LTBP4: variants seen among roughly 807,000 people sequenced by gnomAD.
LTBP4 encodes latent-transforming growth factor beta-binding protein 4.
In LTBP4, 93 loss-of-function variants were observed where a neutral mutation model predicts 180.2. The observed-to-expected ratio is 0.52, with a 90% CI of 0.44 to 0.61. The LOEUF (loss-of-function observed/expected upper bound fraction) is 0.61, where lower values mean the gene tolerates loss of function less well. LTBP4 is among the 20% of genes least tolerant of loss of function. The pLI is 0.00. For synonymous variants in LTBP4, 947 were observed against 934.5 expected (o/e 1.01, Z -0.24); for missense variants, 2,116 against 2,256.5 (o/e 0.94, Z 1.26).
intron 19 of LTBP4, among the ~76,000 whole-genome samples, chr19:40,616,301 G>A (rs55760745): frequency 0.46 from 66,302 of 143,230 alleles, 16,146 homozygotes; most frequent in African/African-American, 0.58. Flanking sequence ...TTAAAAAAAA[G>A]AAAAAAAAGC....
At position 40,627,145 on chromosome 19, in the gene LTBP4, C is replaced by T. The variant is rs535067482; in HGVS notation, c.4156C>T (p.Pro1386Ser). 7 of 1,613,636 alleles carry T rather than the reference C, an allele frequency of 4.3e-6. No homozygotes were observed. Among genetic ancestry groups the T allele is most frequent in the Non-Finnish European group, 5.9e-6 (7 of 1,179,780 alleles). ...PPPALPYDPYPPPPGPFARRE... is the reference protein window; with the variant it reads ...PPPALPYDPYSPPPGPFARRE... ...ACCTGCGCTACCCTACGACCCCTAC[C>T]CACCGCCACCTGGGCCCTTCGCCCG... is the stretch of plus-strand genomic sequence containing the variant. The change falls in exon 28 of 30, where the codon CCA becomes TCA. Residue 1386 changes from proline (P) to serine (S), a missense_variant. This residue lies in a region of LTBP4 where 488 missense variants were observed against 458.8 expected (regional missense o/e 1.06). Coordinates refer to ENST00000396819, the MANE Select transcript of LTBP4 (RefSeq NM_001042545.2).
At chr19:40,628,332 A>C (rs1032843812) in intron 29 of LTBP4, among the ~76,000 whole-genome samples, 8 of 152,140 alleles carry the variant, frequency 5.3e-5, no homozygotes, top group African/African-American at 1.9e-4. Flanking sequence ...TTAGGTCAGG[A>C]GTTTGAGACC....
In LTBP4 at chr19:40,619,508, T is replaced by C; in HGVS notation, c.3217+15T>C. The C allele has an allele frequency of 6.3e-7, 1 of 1,594,322 alleles. No homozygotes were observed. The highest frequency in any genetic ancestry group is 8.6e-7 in the Non-Finnish European group (1 of 1,166,610). On this transcript the variant is annotated intron_variant, in intron 22 of 29. Transcript: ENST00000396819. ...AACTTCTGCTGGTGAGACTGATGTG[T>C]CTATTTAACTGATGGCGGCTGGCCC...
Position 40,622,938 on chromosome 19 carries a change from C to G in LTBP4, c.3485-12C>G. The stretch of plus-strand genomic sequence containing the variant: ...CTCTGGTGTCCTGGCTCAGGCTTGT[C>G]TCTGTGTGTAGCTGAGTACCAGTCA... On this transcript the variant is annotated splice_polypyrimidine_tract_variant and intron_variant, in intron 23 of 29. Transcript: ENST00000396819. This position sits in a 1 kb window ranked among gnomAD's most constrained non-coding sequence, Gnocchi z 5.1. The G allele has an allele frequency of 1.9e-6, 3 of 1,612,672 alleles. No individual in the cohort carries two copies. The highest frequency in any genetic ancestry group is 2.5e-6 in the Non-Finnish European group (3 of 1,179,316).
rs890014257 is a variant in LTBP4, at chr19:40,620,220, G to GT, written c.3217+737dup. Among the ~76,000 whole-genome samples, 19 of 146,810 alleles carry GT rather than the reference G, an allele frequency of 1.3e-4. 1 individual carries two copies. Among genetic ancestry groups the GT allele is most frequent in the South Asian group, 4.4e-4 (2 of 4,538 alleles). ...GCGGTACCGTGGAAGGGGTTTCGGCGTTTTTTTTTTGAAAATTTTTTTTAA... is the reference window on the plus strand; with the variant it reads ...GCGGTACCGTGGAAGGGGTTTCGGCGTTTTTTTTTTTGAAAATTTTTTTTAA... On this transcript the variant is annotated intron_variant, in intron 22 of 29. Transcript: ENST00000396819.
At chr19:40,616,291 T>TAAAAA (rs1454152742) in intron 19 of LTBP4, among the ~76,000 whole-genome samples, 1 of 66,718 alleles carries the variant, frequency 1.5e-5, no homozygotes. Flanking sequence ...AAGACCCCAT[T>TAAAAA]TAAAAAAAAG....
At chr19:40,597,137 C>A, upstream of LTBP4, 1 of 1,120,446 alleles carries the variant, frequency 8.9e-7, no homozygotes, top group Non-Finnish European at 1.1e-6. Flanking sequence ...GTGAGTCGGC[C>A]TCGGGCGGGG....
At chr19:40,615,707 C>T (rs764667647) in intron 19 of LTBP4, among the ~76,000 whole-genome samples, 4 of 151,964 alleles carry the variant, frequency 2.6e-5, no homozygotes, top group Non-Finnish European at 4.4e-5. Context: ...GCAGTTGAGC[C>T]GAGATCGCGC....
rs746160915 is a variant in LTBP4 at position 40,610,537 on chromosome 19, G to A, written c.1690G>A (p.Asp564Asn). 2.3e-5 allele frequency: 37 copies of A among 1,594,354 alleles called. 1 individual carries two copies. The South Asian group carries it at 3.8e-4, about 16-fold the overall frequency. ...GPRAAECLDVDECHRVPPPCD... is the reference protein window; with the variant it reads ...GPRAAECLDVNECHRVPPPCD... The stretch of plus-strand genomic sequence containing the variant: ...CGCCTGGTCTGTGCCTACAGATGTG[G>A]ACGAGTGCCACCGCGTGCCGCCGCC... Residue 564 changes from aspartate to asparagine, a missense_variant, in exon 12 of 30, where the codon GAC becomes AAC. Physicochemically the swap from Asp to Asn is conservative, Grantham distance 23. Transcript: ENST00000396819.
At chr19:40,608,131 C>A (rs1273855417) in intron 7 of LTBP4, 89 bp from the exon 8 acceptor site, 1 of 1,462,250 alleles carries the variant, frequency 6.8e-7, no homozygotes, top group Non-Finnish European at 9.4e-7. Context: ...CCAGCCAAGC[C>A]CTGCCCCTAG....
In LTBP4 at chr19:40,614,438, C is replaced by A. The variant is rs1272825959; in HGVS notation, c.2804C>A (p.Thr935Asn). ...GGGTACCACGCGGGCCCCGAGGGCA[C>A]CTGTGACGGTGAGCCTGCCCCCACC... Reference protein sequence around the residue: ...DPGYHAGPEGTCDDVDECQEY... With the variant: ...DPGYHAGPEGNCDDVDECQEY... The change falls in exon 19 of 30, where the codon ACC (threonine) becomes AAC (asparagine). Residue 935 changes from threonine (T) to asparagine (N), a missense_variant. Around this residue, in one of 5 missense-constraint regions of LTBP4, gnomAD observed 877 missense variants for 873.6 expected, o/e 1.00. Transcript: ENST00000396819. 3.8e-6 allele frequency: 6 copies of A among 1,598,628 alleles called. No individual in the cohort carries two copies. Among genetic ancestry groups the A allele is most frequent in the Admixed American group, 1.7e-5 (1 of 59,920 alleles).
chr19:40,621,708 A>T (rs1178566889), intron 22 of LTBP4, among the ~76,000 whole-genome samples: 1 of 152,034 alleles, frequency 6.6e-6, no homozygotes, highest in Non-Finnish European at 1.5e-5. Flanking sequence ...CAAGCTGTGG[A>T]TGTCTGGGTG....
chr19:40,623,596 T>C lies in LTBP4; in HGVS notation c.3557-8T>C. Reference sequence around the variant, plus strand: ...CCGCCCCCATCTCTCTCTCTGCTTTTCGCACAGACGTGGACGAATGTCAGC... The same window carrying C: ...CCGCCCCCATCTCTCTCTCTGCTTTCCGCACAGACGTGGACGAATGTCAGC... On this transcript the variant is annotated splice_region_variant and splice_polypyrimidine_tract_variant and intron_variant, in intron 24 of 29. Transcript: ENST00000396819. 1 of 1,611,032 alleles carries C rather than the reference T, an allele frequency of 6.2e-7. No individual in the cohort carries two copies. The highest frequency in any genetic ancestry group is 8.5e-7 in the Non-Finnish European group (1 of 1,178,224).
upstream of LTBP4, chr19:40,598,746 T>G (rs1375649209): frequency 8.1e-6 from 2 of 247,174 alleles, no homozygotes; most frequent in African/African-American, 2.3e-5. Flanking sequence ...CCTCCCCAGC[T>G]GCCGAGGCCT....
At chr19:40,626,898 T>G (rs955654068) in intron 27 of LTBP4, 77 bp from the exon 28 acceptor site, 2 of 1,448,614 alleles carry the variant, frequency 1.4e-6, no homozygotes, top group African/African-American at 2.8e-5. Flanking sequence ...CTCTGCCTCC[T>G]CTCCCAAGGG....
At position 40,629,663 on chromosome 19, in the gene LTBP4, G is replaced by A. The variant is rs2081664636; in HGVS notation, c.*113G>A. On this transcript the variant is annotated 3_prime_UTR_variant, in exon 30 of 30. Coordinates refer to ENST00000396819, the MANE Select transcript of LTBP4 (RefSeq NM_001042545.2). The surrounding 1 kb of genome is among the most constrained non-coding windows in gnomAD (Gnocchi z 4.5). ...GGGCCGCCCGCCTGGACCTGGAGAA[G>A]GGACCTACGGACGCCTGGAAGCTGC... The A allele has an allele frequency of 8.9e-7, 1 of 1,126,148 alleles. No individual in the cohort carries two copies. Among genetic ancestry groups the A allele is most frequent in the Non-Finnish European group, 1.1e-6 (1 of 876,940 alleles). 69.8% of individuals were successfully genotyped at this position (1,126,148 alleles called of 1,614,324 possible). A position where few individuals can be genotyped will look rare whatever the true frequency, so the allele number is the denominator to read the frequency against.
upstream of LTBP4, chr19:40,600,220 C>A: frequency 8.6e-7 from 1 of 1,160,596 alleles, no homozygotes; most frequent in South Asian, 4.4e-5. This position sits in a 1 kb window ranked among gnomAD's most constrained non-coding sequence, Gnocchi z 4.4. Flanking sequence ...GAGGGGGGTT[C>A]CGGGCCAGAT....
At position 40,609,409 on chromosome 19, in the gene LTBP4, G is replaced by C. The variant is rs1165520250; in HGVS notation, c.1427-121G>C. ...TGGAGATCAGAAGAAGACTGGGCTT[G>C]CTTGGGGAGGAGACATCCATGAAGG... On this transcript the variant is annotated intron_variant, in intron 9 of 29. Transcript: ENST00000396819. This position sits in a 1 kb window ranked among gnomAD's most constrained non-coding sequence, Gnocchi z 4.9. 7.8e-7 allele frequency: 1 copy of C among 1,279,764 alleles called. No individual in the cohort carries two copies. The highest frequency in any genetic ancestry group is 1.4e-5 in the South Asian group (1 of 72,058). 79.3% of individuals were successfully genotyped at this position (1,279,764 alleles called of 1,614,324 possible).
In LTBP4 at chr19:40,629,607, A is replaced by T; in HGVS notation, c.*57A>T. The T allele has an allele frequency of 2.3e-6, 3 of 1,324,688 alleles. No homozygotes were observed. The African/African-American group carries it at 4.7e-5, about 21-fold the overall frequency. 82.1% of individuals were successfully genotyped at this position (1,324,688 alleles called of 1,614,324 possible). A position where few individuals can be genotyped will look rare whatever the true frequency, so the allele number is the denominator to read the frequency against. On this transcript the variant is annotated 3_prime_UTR_variant, in exon 30 of 30. Transcript: ENST00000396819. This position sits in a 1 kb window ranked among gnomAD's most constrained non-coding sequence, Gnocchi z 4.5. Reference sequence around the variant, plus strand: ...CCGCCACTCGGGGCCCCTGCCGCGCATCCTGCAGCCCGCTTATGCGTATGT... The same window carrying T: ...CCGCCACTCGGGGCCCCTGCCGCGCTTCCTGCAGCCCGCTTATGCGTATGT...
Sources: gnomAD v4.1 joint callset for allele counts (sites outside exome capture counted in the v4.1 genomes callset) on GRCh38, gnomAD v4.1.1 for gene constraint, gnomAD v4.1.1 regional missense constraint, Gnocchi (gnomAD v3.1) non-coding constraint, MANE v1.5 for transcripts, NCBI Gene and HGNC (gene_info 2026-07-23, HGNC 2026-07-21) for gene names.